AACS: variants seen among roughly 807,000 people sequenced by gnomAD.
The protein encoded by AACS is acetoacetate-CoA ligase.
Under a neutral mutation model 83.1 loss-of-function variants are expected in AACS, and 69 were observed. The ratio of observed to expected loss-of-function variants is 0.83; its 90% CI spans 0.68 to 1.01. AACS has a LOEUF of 1.01. Ranked by LOEUF, AACS falls within the 50% of genes least tolerant of loss-of-function variation. The pLI is 0.00. For missense variants in AACS, 866 were observed against 882.2 expected, an observed-to-expected ratio of 0.98 and a Z score of 0.23; for synonymous variants, 333 against 343.4, an observed-to-expected ratio of 0.97 and a Z score of 0.33.
In AACS at chr12:125,129,277, C is replaced by T. The variant is rs1957291814; in HGVS notation, c.1424-58C>T. On this transcript the variant is annotated intron_variant, in intron 13 of 17. Transcript: ENST00000316519. This position sits in a 1 kb window ranked among gnomAD's most constrained non-coding sequence, Gnocchi z 4.3. ...TAATAGCTTAAGAAAGAGAGAGAGA[C>T]AGCCAGGGTGTGTGGCTGTGGTGTG... is the stretch of plus-strand genomic sequence containing the variant. 11 of 1,552,914 alleles carry T rather than the reference C, an allele frequency of 7.1e-6. No homozygotes were observed. In the East Asian group the frequency reaches 2.5e-4, roughly 36 times the overall value.
intron 1 of AACS, among the ~76,000 whole-genome samples, chr12:125,067,017 C>T (rs373651003): frequency 1.3e-5 from 2 of 152,330 alleles, no homozygotes; most frequent in African/African-American, 4.8e-5. Context: ...CATCCATTTG[C>T]ATCCTGCTTG....
At chr12:125,124,477 G>C (rs2136125196) in intron 10 of AACS, 1 of 574,016 alleles carries the variant, frequency 1.7e-6, no homozygotes, top group East Asian at 2.9e-5. Flanking sequence ...GTGGTAAAGG[G>C]AGCTGGCCCT....
At chr12:125,124,048 A>G (rs1322628920) in intron 10 of AACS, 1 of 152,230 alleles carries the variant, frequency 6.6e-6, no homozygotes, top group South Asian at 2.1e-4. Context: ...GTTTTCACAA[A>G]TAAAGAATTC....
At chr12:125,139,874 T>A (rs909020981) in intron 17 of AACS, 2 of 152,264 alleles carry the variant, frequency 1.3e-5, no homozygotes, top group African/African-American at 4.8e-5. Context: ...AAACAGCAGA[T>A]GCTTTTGGTG....
intron 5 of AACS, chr12:125,101,426 T>C (rs1956705714): frequency 6.6e-6 from 1 of 152,242 alleles, no homozygotes; most frequent in South Asian, 2.1e-4. Context: ...CATTAACTAG[T>C]GTATGCACGT....
chr12:125,135,586 G>A (rs1047032073), intron 16 of AACS, among the ~76,000 whole-genome samples: 15 of 152,166 alleles, frequency 9.9e-5, no homozygotes, highest in East Asian at 5.8e-4. Context: ...AGCCCAGGCC[G>A]CAGAGTTGGT....
intron 8 of AACS, among the ~76,000 whole-genome samples, chr12:125,108,681 T>A (rs747949326): frequency 1.8e-4 from 28 of 152,200 alleles, no homozygotes; most frequent in Non-Finnish European, 2.8e-4. Context: ...ATTTTATTTT[T>A]TTTTGAGATG....
At chr12:125,112,094 C>G (rs1417690828) in intron 8 of AACS, among the ~76,000 whole-genome samples, 1 of 152,188 alleles carries the variant, frequency 6.6e-6, no homozygotes, top group Non-Finnish European at 1.5e-5. Flanking sequence ...AATCCGAGTT[C>G]CCTGTCCTTT....
chr12:125,089,005 G>C (rs1365933657), intron 4 of AACS, among the ~76,000 whole-genome samples: 1 of 152,232 alleles, frequency 6.6e-6, no homozygotes, highest in Non-Finnish European at 1.5e-5. Context: ...TGTCTGTGAA[G>C]TGGTTCCCAG....
intron 17 of AACS, among the ~76,000 whole-genome samples, chr12:125,137,316 G>A (rs983645329): frequency 6.6e-6 from 1 of 152,148 alleles, no homozygotes; most frequent in African/African-American, 2.4e-5. Context: ...CTGGTAGCTG[G>A]GATTACAGTC....
intron 17 of AACS, chr12:125,139,900 G>A (rs372293053): frequency 6.6e-6 from 1 of 152,292 alleles, no homozygotes; most frequent in Admixed American, 6.5e-5. Context: ...TGAGTGAATG[G>A]GGGGTGGGGA....
chr12:125,133,081 A>C (rs1352774533), intron 14 of AACS, among the ~76,000 whole-genome samples: 2 of 152,246 alleles, frequency 1.3e-5, no homozygotes. Flanking sequence ...CTGCTGAGGC[A>C]GATGACTTCT....
intron 3 of AACS, among the ~76,000 whole-genome samples, chr12:125,080,563 G>C (rs1347277868): frequency 6.6e-6 from 1 of 151,780 alleles, no homozygotes; most frequent in African/African-American, 2.4e-5. Flanking sequence ...TCGAGGGTGG[G>C]TTATAATTCT....
chr12:125,129,542 C>G lies in AACS; in HGVS notation c.1549+82C>G, dbSNP rs1957299443. On this transcript the variant is annotated intron_variant, in intron 14 of 17. Transcript: ENST00000316519. The surrounding 1 kb of genome is among the most constrained non-coding windows in gnomAD (Gnocchi z 4.3). ...GTGTCTAATTCTGTACCATCGTGCC[C>G]CTCCCCTCTTCCTTCCCCCACCAGG... 6.0e-6 allele frequency: 9 copies of G among 1,508,110 alleles called. No homozygotes were observed. In the South Asian group the frequency reaches 1.2e-4, roughly 20 times the overall value. 93.4% of individuals were successfully genotyped at this position (1,508,110 alleles called of 1,614,324 possible). A position where few individuals can be genotyped will look rare whatever the true frequency, so the allele number is the denominator to read the frequency against.
intron 9 of AACS, 62 bp from the exon 10 acceptor site, chr12:125,118,579 G>A (rs984885582): frequency 6.3e-7 from 1 of 1,590,602 alleles, no homozygotes; most frequent in Non-Finnish European, 8.6e-7. Context: ...GGAAGCTGAG[G>A]GGGCAGCGCT....
chr12:125,081,936 C>T (rs528512968), intron 3 of AACS, among the ~76,000 whole-genome samples: 4 of 150,812 alleles, frequency 2.7e-5, no homozygotes, highest in Non-Finnish European at 4.4e-5. Flanking sequence ...AGTGCAATGG[C>T]GTCATCTTGG....
chr12:125,091,397 C>A, intron 4 of AACS, 29 bp from the exon 5 acceptor site: 2 of 1,611,964 alleles, frequency 1.2e-6, no homozygotes, highest in Non-Finnish European at 1.7e-6. Flanking sequence ...ACCCTGAACC[C>A]AAGGCTTCTT....
At chr12:125,102,083 A>G in intron 5 of AACS, 1 of 150,364 alleles carries the variant, frequency 6.7e-6, no homozygotes, top group Non-Finnish European at 1.5e-5. Flanking sequence ...AAAAAAACAA[A>G]AAAAAAACCA....
At chr12:125,082,346 T>G (rs558569466) in intron 3 of AACS, among the ~76,000 whole-genome samples, 2 of 151,344 alleles carry the variant, frequency 1.3e-5, no homozygotes, top group East Asian at 3.9e-4. Context: ...TATTTCATTT[T>G]TTTTTTTTTT....
Sources: gnomAD v4.1 joint callset for allele counts (sites outside exome capture counted in the v4.1 genomes callset) on GRCh38, gnomAD v4.1.1 for gene constraint, Gnocchi (gnomAD v3.1) non-coding constraint, MANE v1.5 for transcripts, NCBI Gene and HGNC (gene_info 2026-07-23, HGNC 2026-07-21) for gene names.